The following NLRP14 variants were observed in gnomAD, a reference collection of about 807,000 sequenced individuals.
The protein encoded by NLRP14 is NACHT, LRR and PYD domains-containing protein 14.
Under a neutral mutation model 94.7 loss-of-function variants are expected in NLRP14, and 105 were observed. That is an observed-to-expected ratio of 1.11 (90% CI 0.95 to 1.30). NLRP14 has a LOEUF of 1.30. Among genes scored for constraint, NLRP14 ranks in the 50% most tolerant of loss-of-function variants. The pLI, the probability that NLRP14 is intolerant of heterozygous loss-of-function variation, is 0.00. For synonymous variants in NLRP14, 508 were observed against 459.9 expected (o/e 1.10, Z -1.34); for missense variants, 1,362 against 1,254.1 (o/e 1.09, Z -1.30).
intron 9 of NLRP14, among the ~76,000 whole-genome samples, chr11:7,061,964 A>G (rs1979669): frequency 0.15 from 23,240 of 152,034 alleles, 2,169 homozygotes; most frequent in Non-Finnish European, 0.21. Context: ...ATACTTTGAG[A>G]TAGATTCCAG....
At position 7,043,692 on chromosome 11, in the gene NLRP14, A is replaced by T. The variant is rs758131997; in HGVS notation, c.1666A>T (p.Ile556Leu). 1.2e-6 allele frequency: 2 copies of T among 1,614,008 alleles called. No homozygotes were observed. Among genetic ancestry groups the T allele is most frequent in the Non-Finnish European group, 1.7e-6 (2 of 1,179,880 alleles). The change falls in exon 4 of 12, where the codon ATA becomes TTA. Residue 556 changes from isoleucine to leucine, a missense_variant. By Grantham distance (5) the Ile-to-Leu change is conservative. Coordinates refer to ENST00000299481, the MANE Select transcript of NLRP14 (RefSeq NM_176822.4). ...RTFNCKMSLK[I>L]KSKLLQCMEV... is the part of the protein sequence containing the mutation. ...TTTTAACTGTAAAATGTCACTGAAG[A>T]TAAAATCAAAGTTACTTCAGTGTAT...
At chr11:7,048,515 G>T (rs376116766) in intron 5 of NLRP14, among the ~76,000 whole-genome samples, 56 of 152,198 alleles carry the variant, frequency 3.7e-4, no homozygotes, top group African/African-American at 1.3e-3. Flanking sequence ...GTTCTTTTGG[G>T]TGGGGGCTGG....
chr11:7,037,408 G>A (rs186009675), intron 1 of NLRP14, among the ~76,000 whole-genome samples: 115 of 151,984 alleles, frequency 7.6e-4, no homozygotes, highest in African/African-American at 2.3e-3. Flanking sequence ...TCCCCCATCC[G>A]TCTTTTTTTT....
rs1433995276 is a variant in NLRP14 at position 7,058,390 on chromosome 11, G to A, written c.2573G>A (p.Gly858Asp). 1.2e-6 allele frequency: 2 copies of A among 1,612,766 alleles called. No individual in the cohort carries two copies. The highest frequency in any genetic ancestry group is 1.7e-6 in the Non-Finnish European group (2 of 1,179,046). ...TTGGCAGACAATGTCTTGGGTGATG[G>A]TGGAGTAAAGCTTATGAGTGATGCC... ...LCLADNVLGDGGVKLMSDALQ... is the reference protein window; with the variant it reads ...LCLADNVLGDDGVKLMSDALQ... The change falls in exon 8 of 12, where the codon GGT becomes GAT. Residue 858 changes from glycine (G) to aspartate (D), a missense_variant. Transcript: ENST00000299481.
At chr11:7,021,749 C>T (rs978824496) in intron 1 of NLRP14, among the ~76,000 whole-genome samples, 11 of 151,554 alleles carry the variant, frequency 7.3e-5, no homozygotes, top group Non-Finnish European at 1.0e-4. Context: ...TTAAATCTGT[C>T]TCTGCATTCA....
chr11:7,031,544 T>C (rs377588117), intron 1 of NLRP14, among the ~76,000 whole-genome samples: 264 of 152,302 alleles, frequency 1.7e-3, no homozygotes, highest in Middle Eastern at 3.4e-3. Context: ...GCCTGCCAAC[T>C]GTGCTTGAAT....
chr11:7,078,399 C>G, the NLRP14 span, among the ~76,000 whole-genome samples: 5 of 129,570 alleles, frequency 3.9e-5, no homozygotes, highest in African/African-American at 1.5e-4. Flanking sequence ...GATAGCACCA[C>G]TGCACTCCAG....
rs76274604 is a variant in NLRP14 at position 7,039,746 on chromosome 11, A to T, written c.322A>T (p.Lys108Ter). The change falls in exon 3 of 12, where the codon AAG becomes TAG. Residue 108 changes from lysine (K) to a stop codon, truncating the protein, a stop_gained. Coordinates refer to ENST00000299481, the MANE Select transcript of NLRP14 (RefSeq NM_176822.4). LOFTEE classifies it high-confidence loss of function. ...CCAGACTATAGGACCAGATGATGCCAAGGCTGGAGAGACACAAGAAGATCA... is the reference window on the plus strand; with the variant it reads ...CCAGACTATAGGACCAGATGATGCCTAGGCTGGAGAGACACAAGAAGATCA... ...SAQTIGPDDA[K>*]AGETQEDQEA... 4,969 of 1,614,102 alleles carry T rather than the reference A, an allele frequency of 3.1e-3. 136 individuals carry two copies. The Admixed American group carries it at 0.061, about 20-fold the overall frequency.
In NLRP14 at chr11:7,062,410, G is replaced by C. The variant is rs1376128638; in HGVS notation, c.2882G>C (p.Ser961Thr). The C allele has an allele frequency of 1.2e-6, 2 of 1,613,084 alleles. No individual in the cohort carries two copies. Among genetic ancestry groups the C allele is most frequent in the Admixed American group, 3.3e-5 (2 of 59,902 alleles). Residue 961 changes from serine (S) to threonine (T), a missense_variant, in exon 10 of 12, where the codon AGC becomes ACC. Ser to Thr is a moderately conservative substitution (Grantham distance 58). Coordinates refer to ENST00000299481, the MANE Select transcript of NLRP14 (RefSeq NM_176822.4). Reference sequence around the variant, plus strand: ...ATTTTGAATAACCCAAACCTGAGGAGCCTGGACCTTGGGAACAACGATTTG... The same window carrying C: ...ATTTTGAATAACCCAAACCTGAGGACCCTGGACCTTGGGAACAACGATTTG... ...SVILNNPNLR[S>T]LDLGNNDLQD...
chr11:7,055,898 C>T (rs1167905360), intron 6 of NLRP14, among the ~76,000 whole-genome samples: 1 of 151,960 alleles, frequency 6.6e-6, no homozygotes, highest in Non-Finnish European at 1.5e-5. Flanking sequence ...GTTTTGGTAG[C>T]ACTATTAAGA....
the NLRP14 span, among the ~76,000 whole-genome samples, chr11:7,085,311 T>C: frequency 1.2e-4 from 19 of 152,322 alleles, no homozygotes; most frequent in Middle Eastern, 3.4e-3. Flanking sequence ...AGTGTATTCA[T>C]ACTGTTGTGT....
intron 1 of NLRP14, among the ~76,000 whole-genome samples, chr11:7,032,009 T>A (rs529064818): frequency 6.6e-6 from 1 of 152,344 alleles, no homozygotes; most frequent in South Asian, 2.1e-4. Flanking sequence ...TCTATGCAAG[T>A]TAGCAATTAT....
At position 7,020,498 on chromosome 11, in the gene NLRP14, C is replaced by A. The variant is rs971026672; in HGVS notation, c.-294C>A. On this transcript the variant is annotated 5_prime_UTR_variant, in exon 1 of 12. In the 5' UTR this introduces an upstream ATG that the reference lacks. Transcript: ENST00000299481. Reference sequence around the variant, plus strand: ...GCTGGCATTCCTGCGCGGGCGGGAGCTGCGGGCGCTCGGGGGATAAGGCGA... The same window carrying A: ...GCTGGCATTCCTGCGCGGGCGGGAGATGCGGGCGCTCGGGGGATAAGGCGA... 2 of 152,342 alleles carry A rather than the reference C, an allele frequency of 1.3e-5. No homozygotes were observed. The highest frequency in any genetic ancestry group is 2.9e-5 in the Non-Finnish European group (2 of 68,142). The allele number at this position is 152,342 out of a possible 1,614,324, so 9.4% of individuals were successfully genotyped here. A position where few individuals can be genotyped will look rare whatever the true frequency, so the allele number is the denominator to read the frequency against.
intron 1 of NLRP14, among the ~76,000 whole-genome samples, chr11:7,023,396 T>G (rs1335308390): frequency 1.4e-5 from 2 of 145,228 alleles, no homozygotes; most frequent in Non-Finnish European, 3.1e-5. Context: ...TTGGAAATTT[T>G]TTATATAAAA....
chr11:7,078,462 A>AAAAAAAAAAAAAAAAAAAG, the NLRP14 span, among the ~76,000 whole-genome samples: 8 of 88,528 alleles, frequency 9.0e-5, 1 homozygote, highest in Non-Finnish European at 1.4e-4. Flanking sequence ...AAAAAAAAAA[A>AAAAAAAAAAAAAAAAAAAG]CAAAAAAATT....
At chr11:7,027,996 T>G (rs1467365327) in intron 1 of NLRP14, among the ~76,000 whole-genome samples, 1 of 152,206 alleles carries the variant, frequency 6.6e-6, no homozygotes, top group Non-Finnish European at 1.5e-5. Context: ...GCTCCCTCTC[T>G]GTGACTTCTA....
intron 10 of NLRP14, among the ~76,000 whole-genome samples, chr11:7,068,355 A>T (rs957721028): frequency 2.0e-5 from 3 of 152,186 alleles, no homozygotes; most frequent in Non-Finnish European, 4.4e-5. Flanking sequence ...TTAAGGTTAC[A>T]ACTTCCCTTC....
chr11:7,022,227 C>A (rs1817277617), intron 1 of NLRP14, among the ~76,000 whole-genome samples: 1 of 152,018 alleles, frequency 6.6e-6, no homozygotes, highest in Non-Finnish European at 1.5e-5. Flanking sequence ...GGTCATGGAC[C>A]CTCCCTGGCT....
downstream of NLRP14, among the ~76,000 whole-genome samples, chr11:7,072,215 C>T (rs1256448839): frequency 6.6e-6 from 1 of 152,232 alleles, no homozygotes; most frequent in Non-Finnish European, 1.5e-5. Flanking sequence ...CTTGGGGTCC[C>T]TTGGTGGTAT....
Sources: allele counts gnomAD v4.1 joint callset (sites outside exome capture counted in the v4.1 genomes callset), GRCh38; gene constraint gnomAD v4.1.1; transcripts MANE v1.5; gene names NCBI Gene and HGNC (gene_info 2026-07-23, HGNC 2026-07-21).